KNDC1: variants seen among roughly 807,000 people sequenced by gnomAD.
KNDC1 encodes the protein kinase non-catalytic C-lobe domain-containing protein 1.
In KNDC1, 106 loss-of-function variants were observed where a neutral mutation model predicts 172.8. The ratio of observed to expected loss-of-function variants is 0.61; its 90% confidence interval spans 0.52 to 0.72. The LOEUF (loss-of-function observed/expected upper bound fraction) is 0.72, where lower values mean the gene tolerates loss of function less well. Among genes scored for constraint, KNDC1 ranks in the 30% least tolerant of loss-of-function variants. KNDC1 has a pLI of 0.00. For synonymous variants in KNDC1, 1,083 were observed against 1,062.2 expected (o/e 1.02, Z -0.38); for missense variants, 2,325 against 2,394.5 (o/e 0.97, Z 0.61).
In KNDC1 at chr10:133,199,716, G is replaced by T; in HGVS notation, c.2903+114G>T. On this transcript the variant is annotated intron_variant, in intron 15 of 29. Coordinates refer to ENST00000304613, the MANE Select transcript of KNDC1 (RefSeq NM_152643.8). ...CCTCCCAACCCTCCGCTTCCATCTC[G>T]CTGCTGTCTCCAGAGGGGCTACCCT... 5.7e-6 allele frequency: 7 copies of T among 1,231,726 alleles called. 1 individual carries two copies. The South Asian group carries it at 1.0e-4, about 18-fold the overall frequency. The allele number at this position is 1,231,726 out of a possible 1,614,324, so 76.3% of individuals were successfully genotyped here. A position where few individuals can be genotyped will look rare whatever the true frequency, so the allele number is the denominator to read the frequency against.
rs948339615 is a variant in KNDC1 at position 133,193,513 on chromosome 10, G to A, written c.1576-2150G>A. ...GCACTCCAGCCAGGGCGACAAGAGCGAGACCCTGTCTCTTAAATAAATAAA... is the reference window on the plus strand; with the variant it reads ...GCACTCCAGCCAGGGCGACAAGAGCAAGACCCTGTCTCTTAAATAAATAAA... On this transcript the variant is annotated intron_variant, in intron 9 of 29. Coordinates refer to ENST00000304613, the MANE Select transcript of KNDC1 (RefSeq NM_152643.8). 5.9e-5 allele frequency among the ~76,000 whole-genome samples: 9 copies of A among 152,168 alleles called. No individual in the cohort carries two copies. In the South Asian group the frequency reaches 1.5e-3, roughly 25 times the overall value.
At chr10:133,202,592 G>C (rs545191969) in intron 17 of KNDC1, 1 of 456,514 alleles carries the variant, frequency 2.2e-6, no homozygotes, top group Admixed American at 2.3e-5. Flanking sequence ...TCCTACCACC[G>C]TCTGCCTCGA....
intron 29 of KNDC1, among the ~76,000 whole-genome samples, chr10:133,221,531 C>T (rs1376057162): frequency 6.6e-6 from 1 of 152,136 alleles, no homozygotes; most frequent in Admixed American, 6.5e-5. Context: ...CGTCTCATCT[C>T]ATCGCCTGCC....
rs373348967 is a variant in KNDC1 at position 133,160,449 on chromosome 10, T to C, written c.-19T>C. 2.6e-5 allele frequency: 39 copies of C among 1,493,196 alleles called. No individual in the cohort carries two copies. The Middle Eastern group carries it at 7.1e-4, about 27-fold the overall frequency. 92.5% of individuals were successfully genotyped at this position (1,493,196 alleles called of 1,614,324 possible). A position where few individuals can be genotyped will look rare whatever the true frequency, so the allele number is the denominator to read the frequency against. On this transcript the variant is annotated 5_prime_UTR_variant, in exon 1 of 30. Coordinates refer to ENST00000304613, the MANE Select transcript of KNDC1 (RefSeq NM_152643.8). ...GCCCAGCCGGAGGCCCCGGGGGCGGTGCGCGGCGCGGCCGCAGGATGCAGG... is the reference window on the plus strand; with the variant it reads ...GCCCAGCCGGAGGCCCCGGGGGCGGCGCGCGGCGCGGCCGCAGGATGCAGG...
At chr10:133,185,822 A>C in intron 5 of KNDC1, 152 bp from the exon 6 acceptor site, 1 of 91,884 alleles carries the variant, frequency 1.1e-5, no homozygotes, top group East Asian at 1.7e-4. Flanking sequence ...GGGGTCTGTG[A>C]TCGTGGGAGG....
At chr10:133,166,090 C>T (rs1337935671) in intron 1 of KNDC1, among the ~76,000 whole-genome samples, 2 of 152,218 alleles carry the variant, frequency 1.3e-5, no homozygotes, top group Non-Finnish European at 2.9e-5. Flanking sequence ...TTTCCTGTGC[C>T]TGGGGGGCCT....
chr10:133,202,961 AGGGAGT>A, intron 17 of KNDC1, among the ~76,000 whole-genome samples: 1 of 152,142 alleles, frequency 6.6e-6, no homozygotes, highest in Non-Finnish European at 1.5e-5. Context: ...CCCCAAACGC[AGGGAGT>A]CCAGCAGGGA....
chr10:133,213,757 G>A (rs568690481), intron 25 of KNDC1, 30 bp downstream of exon 25: 28 of 1,596,398 alleles, frequency 1.8e-5, no homozygotes, highest in African/African-American at 9.4e-5. Flanking sequence ...AGCTGGGAGC[G>A]GTGGTGGAGG....
chr10:133,221,807 CGGCTCACGCCTGTAACCCT>C, intron 29 of KNDC1, among the ~76,000 whole-genome samples: 1 of 152,068 alleles, frequency 6.6e-6, no homozygotes. Flanking sequence ...CCAGACGCGG[CGGCTCACGCCTGTAACCCT>C]AGGTAGGCCG....
intron 9 of KNDC1, among the ~76,000 whole-genome samples, chr10:133,190,284 A>G (rs11101623): frequency 0.024 from 3,334 of 136,866 alleles, 45 homozygotes; most frequent in Middle Eastern, 0.036. Flanking sequence ...TGCAATAAGC[A>G]CCCTGCGCTA....
chr10:133,201,782 CCCGGCT>C lies in KNDC1; in HGVS notation c.3272_3277del (p.Pro1091_Trp1093delinsArg), dbSNP rs1419420646. On this transcript the variant is annotated inframe_deletion, in exon 17 of 30. Coordinates refer to ENST00000304613, the MANE Select transcript of KNDC1 (RefSeq NM_152643.8). Reference sequence around the variant, plus strand: ...CCCAGCCGGATTCCAGAGCTGCAGCCCCGGCTGGTGCAGCGCCTTCTACGAGGCCGA... The same window carrying C: ...CCCAGCCGGATTCCAGAGCTGCAGCCGGTGCAGCGCCTTCTACGAGGCCGA... The C allele has an allele frequency of 5.2e-6, 8 of 1,546,208 alleles. No individual in the cohort carries two copies. The highest frequency in any genetic ancestry group is 8.7e-7 in the Non-Finnish European group (1 of 1,148,532).
intron 23 of KNDC1, among the ~76,000 whole-genome samples, chr10:133,212,262 C>T (rs536402475): frequency 2.8e-4 from 42 of 152,010 alleles, no homozygotes; most frequent in Admixed American, 2.1e-3. Flanking sequence ...CATGCACACA[C>T]GTGCACCCGC....
At chr10:133,170,572 C>T (rs1351754733) in intron 3 of KNDC1, among the ~76,000 whole-genome samples, 2 of 152,222 alleles carry the variant, frequency 1.3e-5, no homozygotes, top group African/African-American at 2.4e-5. Flanking sequence ...TATGTGCGTT[C>T]TGTCTCTTCA....
intron 29 of KNDC1, among the ~76,000 whole-genome samples, chr10:133,222,303 G>C (rs1845613797): frequency 6.7e-6 from 1 of 150,256 alleles, no homozygotes; most frequent in Admixed American, 6.7e-5. Flanking sequence ...AAAAACTTAA[G>C]GTGATGCTCA....
At chr10:133,162,300 G>GACAAGTGGCT (rs1554908095) in intron 1 of KNDC1, among the ~76,000 whole-genome samples, 1 of 151,494 alleles carries the variant, frequency 6.6e-6, no homozygotes, top group Non-Finnish European at 1.5e-5. Context: ...TCTCCATCGG[G>GACAAGTGGCT]GCACCTGACT....
intron 9 of KNDC1, 84 bp downstream of exon 9, chr10:133,189,897 A>G: frequency 9.3e-7 from 1 of 1,070,470 alleles, no homozygotes; most frequent in Non-Finnish European, 1.3e-6. Context: ...GCAGCCCCCC[A>G]TCAGGACTCG....
rs1185239218 is a variant in KNDC1, at chr10:133,219,990, A to AG, written c.4899dup (p.Arg1634AlafsTer88). ...AGAGCGACAGCCTGTGTCTGATGGA[A>AG]GGGCGGCGCTTCCGGGCGCAGCCCA... On this transcript the variant is annotated frameshift_variant, in exon 29 of 30. Coordinates refer to ENST00000304613, the MANE Select transcript of KNDC1 (RefSeq NM_152643.8). LOFTEE classifies it high-confidence loss of function. The AG allele has an allele frequency of 6.4e-7, 1 of 1,553,202 alleles. No homozygotes were observed. Among genetic ancestry groups the AG allele is most frequent in the Non-Finnish European group, 8.7e-7 (1 of 1,148,206 alleles).
intron 4 of KNDC1, 117 bp from the exon 5 acceptor site, chr10:133,183,755 G>A: frequency 1.1e-6 from 1 of 884,628 alleles, no homozygotes. Context: ...GCAGGCGCAG[G>A]CAGGCTCTGG....
Position 133,198,823 on chromosome 10 carries a change from G to C in KNDC1, c.2315G>C (p.Gly772Ala). 6.3e-7 allele frequency: 1 copy of C among 1,599,830 alleles called. No homozygotes were observed. The highest frequency in any genetic ancestry group is 8.5e-7 in the Non-Finnish European group (1 of 1,174,552). The change falls in exon 14 of 30, where the codon GGG (glycine) becomes GCG (alanine). Residue 772 changes from glycine (G) to alanine (A), a missense_variant. Physicochemically the swap from Gly to Ala is moderately conservative, Grantham distance 60. Transcript: ENST00000304613. ...PPQAPANQPE[G>A]ASSAAPGSPV... is the part of the protein sequence containing the mutation. ...CAGGCCCCAGCAAACCAGCCAGAGG[G>C]GGCCTCATCGGCAGCTCCCGGCTCT...
Sources: gnomAD v4.1 joint callset for allele counts (sites outside exome capture counted in the v4.1 genomes callset) on GRCh38, gnomAD v4.1.1 for gene constraint, MANE v1.5 for transcripts, NCBI Gene and HGNC (gene_info 2026-07-23, HGNC 2026-07-21) for gene names.